Variants in EVL observed in about 807,000 individuals in gnomAD.
The protein encoded by EVL is Enah/Vasp-like.
Under a neutral mutation model 59.6 loss-of-function variants are expected in EVL, and 21 were observed. That is an observed-to-expected ratio of 0.35 (90% CI 0.25 to 0.51). The LOEUF (loss-of-function observed/expected upper bound fraction) is 0.51, where lower values mean the gene tolerates loss of function less well. Ranked by LOEUF, EVL falls within the 20% of genes least tolerant of loss-of-function variation. The probability of loss-of-function intolerance (pLI) is 0.97; values close to 1 mark genes in which losing one functional copy is unlikely to be tolerated. For missense variants in EVL, 462 were observed against 546.6 expected, an observed-to-expected ratio of 0.85 and a Z score of 1.54; for synonymous variants, 198 against 203.5, an observed-to-expected ratio of 0.97 and a Z score of 0.23.
intron 3 of EVL, among the ~76,000 whole-genome samples, chr14:100,113,039 T>TG (rs1308955346): frequency 1.3e-5 from 2 of 152,226 alleles, no homozygotes; most frequent in Non-Finnish European, 2.9e-5. Context: ...CAGGGCTTCT[T>TG]GCAGGGGAGG....
intron 1 of EVL, among the ~76,000 whole-genome samples, chr14:100,073,647 G>A (rs2062097541): frequency 6.6e-6 from 1 of 152,116 alleles, no homozygotes; most frequent in Non-Finnish European, 1.5e-5. Flanking sequence ...ATAAATGCAG[G>A]AAGAAAGAAA....
At chr14:100,139,433 G>A (rs1889020926) in intron 11 of EVL, 1 of 152,432 alleles carries the variant, frequency 6.6e-6, no homozygotes, top group Non-Finnish European at 1.5e-5. Flanking sequence ...GGCTGAGATG[G>A]AGAGGGCCAG....
intron 6 of EVL, among the ~76,000 whole-genome samples, 180 bp from the exon 7 acceptor site, chr14:100,129,383 G>A (rs574831364): frequency 1.3e-5 from 2 of 151,976 alleles, no homozygotes; most frequent in East Asian, 1.9e-4. Context: ...TCCCTCTCTC[G>A]ATTCTGGTTT....
intron 1 of EVL, among the ~76,000 whole-genome samples, chr14:100,035,134 C>T (rs2061369612): frequency 6.6e-6 from 1 of 152,156 alleles, no homozygotes; most frequent in African/African-American, 2.4e-5. Flanking sequence ...CTCAAATTTT[C>T]TTTCTAAATT....
chr14:100,037,566 T>A (rs1490947248), intron 1 of EVL, among the ~76,000 whole-genome samples: 2 of 152,270 alleles, frequency 1.3e-5, no homozygotes, highest in Non-Finnish European at 2.9e-5. Flanking sequence ...AATTCCAGGC[T>A]TGGCTGGTGT....
intron 1 of EVL, among the ~76,000 whole-genome samples, chr14:100,070,197 G>A (rs1392980315): frequency 6.6e-6 from 1 of 152,194 alleles, no homozygotes; most frequent in African/African-American, 2.4e-5. Flanking sequence ...GAGCCCAGCA[G>A]TTCAAGCCTG....
intron 1 of EVL, among the ~76,000 whole-genome samples, chr14:100,009,562 TC>T (rs1461072117): frequency 6.6e-6 from 1 of 152,234 alleles, no homozygotes; most frequent in Non-Finnish European, 1.5e-5. Flanking sequence ...TCATTCCAGT[TC>T]CCTAACCTCT....
At chr14:99,998,900 C>G (rs2140183380) in intron 1 of EVL, among the ~76,000 whole-genome samples, 1 of 152,190 alleles carries the variant, frequency 6.6e-6, no homozygotes, top group East Asian at 1.9e-4. Context: ...GTAATGGTCT[C>G]TGAATCTCAA....
intron 1 of EVL, among the ~76,000 whole-genome samples, chr14:100,046,203 G>A (rs916836660): frequency 2.6e-5 from 4 of 152,168 alleles, no homozygotes; most frequent in African/African-American, 9.7e-5. Context: ...CATTTCCTTC[G>A]AGTGTCATGT....
intron 1 of EVL, among the ~76,000 whole-genome samples, chr14:100,005,658 C>T (rs918853489): frequency 5.9e-5 from 9 of 151,662 alleles, no homozygotes; most frequent in Non-Finnish European, 1.5e-5. Flanking sequence ...CACACACACA[C>T]ACACACACAC....
intron 1 of EVL, among the ~76,000 whole-genome samples, chr14:100,084,052 C>CTTTT (rs548584469): frequency 1.6e-4 from 21 of 134,638 alleles, no homozygotes; most frequent in African/African-American, 4.8e-4. Context: ...CTCTCTCTCT[C>CTTTT]TTTTTTTTTT....
At position 99,973,039 on chromosome 14, in the gene EVL, A is replaced by G. The variant is rs111880694; in HGVS notation, c.5+982A>G. On this transcript the variant is annotated intron_variant, in intron 1 of 13. Transcript: ENST00000402714. ...TGTAAGAATATACCACAGTGTACGCATTCTACTGTTACTAGACATTTTAGT... is the reference window on the plus strand; with the variant it reads ...TGTAAGAATATACCACAGTGTACGCGTTCTACTGTTACTAGACATTTTAGT... Among the ~76,000 whole-genome samples the G allele has an allele frequency of 5.8e-3, 883 of 152,030 alleles. 4 individuals are homozygous for G. Among genetic ancestry groups the G allele is most frequent in the Non-Finnish European group, 8.8e-3 (598 of 67,842 alleles).
At chr14:100,036,072 A>G (rs1230804545) in intron 1 of EVL, among the ~76,000 whole-genome samples, 1 of 152,206 alleles carries the variant, frequency 6.6e-6, no homozygotes, top group Non-Finnish European at 1.5e-5. Context: ...GGTGAGCATT[A>G]CTGCCTGAGC....
In EVL at chr14:100,076,115, AG is replaced by A. The variant is rs1393583848; in HGVS notation, c.12-8570del. 2.0e-5 allele frequency among the ~76,000 whole-genome samples: 3 copies of A among 152,258 alleles called. No individual in the cohort carries two copies. The East Asian group carries it at 5.8e-4, about 29-fold the overall frequency. ...GTAGGAAAAAGAAATCATCTTGGGCAGGAGAAATATCTCTTCCTAATTACTT... is the reference window on the plus strand; with the variant it reads ...GTAGGAAAAAGAAATCATCTTGGGCAGAGAAATATCTCTTCCTAATTACTT... On this transcript the variant is annotated intron_variant, in intron 1 of 13. Transcript: ENST00000392920.
At chr14:100,087,052 G>T (rs111355236) in intron 2 of EVL, among the ~76,000 whole-genome samples, 4 of 152,146 alleles carry the variant, frequency 2.6e-5, no homozygotes, top group Non-Finnish European at 4.4e-5. Flanking sequence ...AAGATTCCTG[G>T]TTTTATAACT....
chr14:100,138,120 CCT>C (rs1888928925), intron 11 of EVL: 3 of 464,756 alleles, frequency 6.5e-6, no homozygotes, highest in Admixed American at 3.8e-5. Context: ...CCTCTCCAAG[CCT>C]CTGTTTTCCC....
At chr14:99,993,215 G>T (rs764259401) in intron 1 of EVL, among the ~76,000 whole-genome samples, 2 of 151,712 alleles carry the variant, frequency 1.3e-5, no homozygotes, top group South Asian at 2.1e-4. Flanking sequence ...GTGCCACCAC[G>T]CCTGGCTAAT....
At chr14:99,987,449 C>G (rs2060846628) in intron 1 of EVL, among the ~76,000 whole-genome samples, 1 of 152,106 alleles carries the variant, frequency 6.6e-6, no homozygotes, top group South Asian at 2.1e-4. Flanking sequence ...TGAGACCAGC[C>G]TGGCCAACAT....
At chr14:100,119,695 C>G (rs963230116) in intron 3 of EVL, among the ~76,000 whole-genome samples, 5 of 152,188 alleles carry the variant, frequency 3.3e-5, no homozygotes, top group Non-Finnish European at 5.9e-5. Context: ...GTGGTTTTTA[C>G]TCCTAGAGTT....
Sources: allele counts gnomAD v4.1 joint callset (sites outside exome capture counted in the v4.1 genomes callset), GRCh38; gene constraint gnomAD v4.1.1; transcripts MANE v1.5; gene names NCBI Gene and HGNC (gene_info 2026-07-23, HGNC 2026-07-21).